KAT7: variants seen among roughly 807,000 people sequenced by gnomAD.
The protein encoded by KAT7 is histone acetyltransferase KAT7.
Under a neutral mutation model 82.1 loss-of-function variants are expected in KAT7, and 10 were observed. The ratio of observed to expected loss-of-function variants is 0.12; its 90% CI spans 0.08 to 0.21. KAT7 has a LOEUF of 0.21. Among genes scored for constraint, KAT7 ranks in the 10% least tolerant of loss-of-function variants. KAT7 has a pLI of 1.00. For missense variants in KAT7, 378 were observed against 760.9 expected (o/e 0.50, Z 5.92); for synonymous variants, 250 against 262.5 (o/e 0.95, Z 0.46).
In KAT7 at chr17:49,831,583, T is replaced by C. The variant is rs2074425242; in HGVS notation, c.*4081T>C. ...TCCCTGAGTCCAAATCCCATACTTT[T>C]GGCATTGTTATGAGGTCTGGTCACC... On this transcript the variant is annotated 3_prime_UTR_variant, in exon 15 of 15. Transcript: ENST00000259021. 1 of 152,200 alleles carries C rather than the reference T, an allele frequency of 6.6e-6. No individual in the cohort carries two copies. The highest frequency in any genetic ancestry group is 6.5e-5 in the Admixed American group (1 of 15,274). The allele number at this position is 152,200 out of a possible 1,614,324, so 9.4% of individuals were successfully genotyped here.
chr17:49,789,116 G>T, intron 1 of KAT7: 1 of 353,214 alleles, frequency 2.8e-6, no homozygotes, highest in South Asian at 9.7e-5. Flanking sequence ...GAAGCATATT[G>T]ATTGGCTGGT....
intron 8 of KAT7, among the ~76,000 whole-genome samples, chr17:49,816,468 T>C (rs557755227): frequency 1.1e-4 from 16 of 152,232 alleles, no homozygotes; most frequent in Non-Finnish European, 2.1e-4. Flanking sequence ...GGCAGAATTT[T>C]TAACAACTTT....
At chr17:49,792,092 A>G in intron 2 of KAT7, 59 bp downstream of exon 2, 3 of 1,543,470 alleles carry the variant, frequency 1.9e-6, no homozygotes, top group Middle Eastern at 1.8e-4. Context: ...GGCCCATCAC[A>G]TTATTTTCCT....
intron 1 of KAT7, among the ~76,000 whole-genome samples, chr17:49,790,192 G>A (rs747582078): frequency 3.3e-5 from 5 of 151,914 alleles, no homozygotes; most frequent in African/African-American, 4.8e-5. Flanking sequence ...GTATGTATGT[G>A]TTTTTTTGTT....
At chr17:49,811,294 A>G (rs955524774) in intron 6 of KAT7, among the ~76,000 whole-genome samples, 182 bp from the exon 7 acceptor site, 5 of 151,736 alleles carry the variant, frequency 3.3e-5, no homozygotes, top group African/African-American at 1.2e-4. Flanking sequence ...TTTAATAGAG[A>G]TGAGGATTCA....
In KAT7 at chr17:49,827,860, A is replaced by G. The variant is rs1201189283; in HGVS notation, c.*358A>G. 35 of 196,012 alleles carry G rather than the reference A, an allele frequency of 1.8e-4. No homozygotes were observed. The highest frequency in any genetic ancestry group is 4.1e-5 in the Non-Finnish European group (4 of 96,730). 12.1% of individuals were successfully genotyped at this position (196,012 alleles called of 1,614,324 possible). On this transcript the variant is annotated 3_prime_UTR_variant, in exon 15 of 15. Transcript: ENST00000259021. ...TGTTGTGTCTTCTAAGCGTGGTACT[A>G]GTGCTTGCCACCTGGTCACCAGACC...
intron 14 of KAT7, 131 bp downstream of exon 14, chr17:49,826,930 A>G: frequency 1.7e-6 from 1 of 598,054 alleles, no homozygotes; most frequent in Non-Finnish European, 3.0e-6. Flanking sequence ...ACTGGGTCTC[A>G]TTTCTGTAGC....
chr17:49,822,185 G>C (rs758759270), intron 11 of KAT7, among the ~76,000 whole-genome samples: 1 of 151,780 alleles, frequency 6.6e-6, no homozygotes, highest in Non-Finnish European at 1.5e-5. Context: ...CTAGCACAGT[G>C]CCTTCAGTGA....
Position 49,809,224 on chromosome 17 carries a change from A to G in KAT7, c.753+16A>G. ...CAGGCACCAGGTATGGGCCTTGTTA[A>G]AGCACTGGCCATTCATAGTTTGAGG... On this transcript the variant is annotated intron_variant, in intron 6 of 14. Coordinates refer to ENST00000259021, the MANE Select transcript of KAT7 (RefSeq NM_007067.5). The G allele has an allele frequency of 1.9e-6, 3 of 1,597,978 alleles. No homozygotes were observed. Among genetic ancestry groups the G allele is most frequent in the Middle Eastern group, 1.7e-4 (1 of 6,032 alleles).
intron 2 of KAT7, among the ~76,000 whole-genome samples, chr17:49,793,430 C>T (rs1183842798): frequency 1.3e-5 from 2 of 152,130 alleles, no homozygotes. Flanking sequence ...GTACCCTTGA[C>T]CCTCCTGGCT....
intron 4 of KAT7, among the ~76,000 whole-genome samples, chr17:49,803,666 C>A (rs570228134): frequency 6.7e-6 from 1 of 149,278 alleles, no homozygotes; most frequent in Admixed American, 6.7e-5. Context: ...CCTCGTGATC[C>A]GCCTGCCTCG....
At chr17:49,798,058 C>A (rs2073978739) in intron 3 of KAT7, among the ~76,000 whole-genome samples, 1 of 152,162 alleles carries the variant, frequency 6.6e-6, no homozygotes, top group Non-Finnish European at 1.5e-5. Flanking sequence ...TTTTGATTAT[C>A]CATGATTAGC....
intron 5 of KAT7, among the ~76,000 whole-genome samples, chr17:49,807,975 T>C (rs1035999746): frequency 5.9e-5 from 9 of 152,110 alleles, no homozygotes; most frequent in African/African-American, 2.2e-4. Context: ...CCATTCTGAG[T>C]TTTAGTGGTG....
At chr17:49,811,228 T>G (rs1200485167) in intron 6 of KAT7, among the ~76,000 whole-genome samples, 1 of 151,688 alleles carries the variant, frequency 6.6e-6, no homozygotes, top group East Asian at 1.9e-4. Context: ...CACCTCAGCC[T>G]CCCGAGTAGC....
In KAT7 at chr17:49,832,638, G is replaced by A. The variant is rs893269483; in HGVS notation, c.*5136G>A. The A allele has an allele frequency of 1.3e-5, 2 of 152,200 alleles. No individual in the cohort carries two copies. Among genetic ancestry groups the A allele is most frequent in the Admixed American group, 6.5e-5 (1 of 15,284 alleles). The allele number at this position is 152,200 out of a possible 1,614,324, so 9.4% of individuals were successfully genotyped here. On this transcript the variant is annotated 3_prime_UTR_variant, in exon 15 of 15. Coordinates refer to ENST00000259021, the MANE Select transcript of KAT7 (RefSeq NM_007067.5). Reference sequence around the variant, plus strand: ...ATACAACCCTCAACTAGTTTAGTGTGCTCAAGCTCAAATAACCAATCCCAT... The same window carrying A: ...ATACAACCCTCAACTAGTTTAGTGTACTCAAGCTCAAATAACCAATCCCAT...
At chr17:49,826,306 T>C in intron 13 of KAT7, 160 bp downstream of exon 13, 1 of 644,526 alleles carries the variant, frequency 1.6e-6, no homozygotes, top group East Asian at 2.8e-5. Context: ...ATTTGGCCCC[T>C]GGGAATGGTT....
intron 3 of KAT7, 75 bp from the exon 4 acceptor site, chr17:49,798,244 C>G: frequency 1.4e-6 from 2 of 1,394,398 alleles, no homozygotes; most frequent in Non-Finnish European, 2.0e-6. Flanking sequence ...ACCTGGGAAG[C>G]CCATAAACTC....
chr17:49,808,120 C>CTTTTTTTT (rs71146937), intron 5 of KAT7, among the ~76,000 whole-genome samples: 1 of 112,820 alleles, frequency 8.9e-6, no homozygotes, highest in Non-Finnish European at 1.8e-5. Context: ...CCCAGGTTTT[C>CTTTTTTTT]TTTTTTTTTT....
chr17:49,831,981 C>A lies in KAT7; in HGVS notation c.*4479C>A, dbSNP rs536400422. 7.5e-6 allele frequency: 1 copy of A among 133,982 alleles called. No homozygotes were observed. The highest frequency in any genetic ancestry group is 2.3e-4 in the East Asian group (1 of 4,324). 8.3% of individuals were successfully genotyped at this position (133,982 alleles called of 1,614,324 possible). On this transcript the variant is annotated 3_prime_UTR_variant, in exon 15 of 15. Coordinates refer to ENST00000259021, the MANE Select transcript of KAT7 (RefSeq NM_007067.5). ...GCCATTTTTTTTTTTTTTAAGACGA[C>A]GTCTCACTCTGTCACCTATGCTGGA... is the stretch of plus-strand genomic sequence containing the variant.
Sources: allele counts gnomAD v4.1 joint callset (sites outside exome capture counted in the v4.1 genomes callset), GRCh38; gene constraint gnomAD v4.1.1; transcripts MANE v1.5; gene names NCBI Gene and HGNC (gene_info 2026-07-23, HGNC 2026-07-21).